The following MTMR3 variants were observed in gnomAD, a reference collection of about 807,000 sequenced individuals.
MTMR3 encodes phosphatidylinositol-3,5-bisphosphate 3-phosphatase MTMR3.
Under a neutral mutation model 132.4 loss-of-function variants are expected in MTMR3, and 32 were observed. The ratio of observed to expected loss-of-function variants is 0.24; its 90% CI spans 0.18 to 0.32. The LOEUF is 0.32. Ranked by LOEUF, MTMR3 falls within the 10% of genes least tolerant of loss-of-function variation. The pLI is 1.00. For synonymous variants in MTMR3, 556 were observed against 550.3 expected, an observed-to-expected ratio of 1.01 and a Z score of -0.14; for missense variants, 1,216 against 1,489.6, an observed-to-expected ratio of 0.82 and a Z score of 3.02.
intron 1 of MTMR3, among the ~76,000 whole-genome samples, chr22:29,952,861 A>G (rs1182757419): frequency 1.3e-5 from 2 of 152,204 alleles, no homozygotes; most frequent in African/African-American, 4.8e-5. Context: ...CCACCATAGA[A>G]TGGTCTTACC....
rs2067597368 is a variant in MTMR3, at chr22:30,016,554, C to G, written c.1530C>G (p.Ser510=). The change falls in exon 15 of 20, where the codon TCC becomes TCG. Residue 510 remains serine, a synonymous_variant. Coordinates refer to ENST00000401950, the MANE Select transcript of MTMR3 (RefSeq NM_021090.4). ...FLVKLVQHTY[S]CLFGTFLCNN... ...TGAAACTGGTGCAGCATACCTATTC[C>G]TGCCTGTTTGGAACATTCCTGTGCA... The G allele has an allele frequency of 6.2e-7, 1 of 1,614,024 alleles. No homozygotes were observed. Among genetic ancestry groups the G allele is most frequent in the South Asian group, 1.1e-5 (1 of 91,084 alleles).
intron 1 of MTMR3, among the ~76,000 whole-genome samples, chr22:29,947,598 A>G (rs1458210983): frequency 1.3e-5 from 2 of 151,988 alleles, no homozygotes; most frequent in East Asian, 1.9e-4. Context: ...GTCTGTCTGA[A>G]TTTTTCTGAG....
chr22:29,933,209 C>T (rs1162406574), intron 1 of MTMR3, among the ~76,000 whole-genome samples: 1 of 151,954 alleles, frequency 6.6e-6, no homozygotes, highest in Admixed American at 6.6e-5. Context: ...ACCTCATGAT[C>T]CACCTGCCTC....
chr22:29,938,367 G>C (rs36593), intron 1 of MTMR3, among the ~76,000 whole-genome samples: 11,799 of 152,210 alleles, frequency 0.078, 536 homozygotes, highest in African/African-American at 0.092. Context: ...ATAAATCTCC[G>C]TACTTTCACT....
intron 1 of MTMR3, among the ~76,000 whole-genome samples, chr22:29,928,712 G>A (rs575579979): frequency 3.4e-4 from 52 of 151,900 alleles, no homozygotes; most frequent in African/African-American, 8.9e-4. Flanking sequence ...ACGAAGTCTC[G>A]GCATGTTGCC....
At chr22:29,994,742 A>G (rs991544490) in intron 7 of MTMR3, 19 of 152,184 alleles carry the variant, frequency 1.2e-4, no homozygotes, top group Non-Finnish European at 5.9e-5. Context: ...AAATTACATA[A>G]TTGTCTTAGT....
At chr22:29,998,718 G>A (rs772462908) in intron 7 of MTMR3, 43 bp from the exon 8 acceptor site, 43 of 1,454,546 alleles carry the variant, frequency 3.0e-5, no homozygotes, top group Non-Finnish European at 4.1e-5. Context: ...TTTGCAAAAT[G>A]GTATTCATTT....
At chr22:29,981,784 G>C (rs1226732822) in intron 5 of MTMR3, 1 of 141,934 alleles carries the variant, frequency 7.0e-6, no homozygotes, top group Non-Finnish European at 1.5e-5. Context: ...TCACGCCACT[G>C]CACTCCAGCC....
chr22:29,908,549 T>A (rs1423016559), intron 1 of MTMR3, among the ~76,000 whole-genome samples: 4 of 152,262 alleles, frequency 2.6e-5, no homozygotes, highest in Non-Finnish European at 2.9e-5. Flanking sequence ...ATTTCATGGC[T>A]ATACGTTGTT....
chr22:29,951,708 A>G (rs1488646215), intron 1 of MTMR3, among the ~76,000 whole-genome samples: 2 of 152,186 alleles, frequency 1.3e-5, no homozygotes, highest in Admixed American at 6.5e-5. Context: ...AACCTTTCCC[A>G]CATTAAAAAG....
intron 5 of MTMR3, chr22:29,984,986 T>G (rs1182171599): frequency 6.6e-6 from 1 of 152,300 alleles, no homozygotes; most frequent in Middle Eastern, 3.4e-3. Flanking sequence ...GTGTAGTAGT[T>G]TAACCTTCCT....
At chr22:29,982,019 C>A (rs1602620013) in intron 5 of MTMR3, 1 of 151,898 alleles carries the variant, frequency 6.6e-6, no homozygotes, top group African/African-American at 2.4e-5. Context: ...ACCATCCTGG[C>A]TAACACGGTG....
chr22:29,964,815 G>A (rs11704885), intron 2 of MTMR3, among the ~76,000 whole-genome samples: 15,490 of 152,190 alleles, frequency 0.1, 817 homozygotes, highest in Middle Eastern at 0.14. Flanking sequence ...TTTAAAACCT[G>A]TCAATGGCTC....
intron 1 of MTMR3, among the ~76,000 whole-genome samples, chr22:29,941,772 T>TAACCATTTTACG (rs2065861842): frequency 6.6e-6 from 1 of 152,216 alleles, no homozygotes; most frequent in Non-Finnish European, 1.5e-5. Context: ...TGACATTTAT[T>TAACCATTTTACG]ACCATCTTAA....
chr22:29,934,429 A>G (rs2069728856), intron 1 of MTMR3, among the ~76,000 whole-genome samples: 1 of 152,222 alleles, frequency 6.6e-6, no homozygotes, highest in South Asian at 2.1e-4. Flanking sequence ...ACTGTGTATT[A>G]GATTACTTGA....
At chr22:30,015,958 TC>T in intron 14 of MTMR3, 1 of 152,940 alleles carries the variant, frequency 6.5e-6, no homozygotes, top group Non-Finnish European at 1.5e-5. Flanking sequence ...CTCTTTCAAG[TC>T]CACTGGGTCC....
intron 17 of MTMR3, 73 bp downstream of exon 17, chr22:30,020,957 C>T: frequency 7.2e-7 from 1 of 1,392,516 alleles, no homozygotes; most frequent in South Asian, 1.4e-5. Flanking sequence ...CCTTTGTGCC[C>T]AGTGCATGGT....
intron 1 of MTMR3, among the ~76,000 whole-genome samples, chr22:29,949,704 T>A (rs575788064): frequency 6.6e-6 from 1 of 152,256 alleles, no homozygotes; most frequent in South Asian, 2.1e-4. Context: ...TGGAGATTGA[T>A]TATTTTGGGT....
intron 7 of MTMR3, 131 bp downstream of exon 7, chr22:29,991,801 G>A (rs2066966407): frequency 8.7e-6 from 8 of 920,024 alleles, no homozygotes; most frequent in Non-Finnish European, 1.2e-5. Flanking sequence ...CACCCAGCAA[G>A]TGCGCAGCAT....
Sources: allele counts gnomAD v4.1 joint callset (sites outside exome capture counted in the v4.1 genomes callset), GRCh38; gene constraint gnomAD v4.1.1; transcripts MANE v1.5; gene names NCBI Gene and HGNC (gene_info 2026-07-23, HGNC 2026-07-21).